GRID2: variants seen among roughly 807,000 people sequenced by gnomAD.
GRID2 encodes glutamate receptor ionotropic, delta-2.
GRID2 carries 33 observed loss-of-function variants against 114.8 expected under a neutral mutation model. The observed-to-expected ratio is 0.29, with a 90% CI of 0.22 to 0.38. The LOEUF (loss-of-function observed/expected upper bound fraction) is 0.38, where lower values mean the gene tolerates loss of function less well. GRID2 is among the 10% of genes least tolerant of loss of function. The pLI is 1.00. For synonymous variants in GRID2, 505 were observed against 449.9 expected (o/e 1.12, Z -1.55); for missense variants, 1,184 against 1,257.7 (o/e 0.94, Z 0.89).
intron 4 of GRID2, among the ~76,000 whole-genome samples, chr4:93,157,659 A>G (rs1737306977): frequency 6.6e-6 from 1 of 151,750 alleles, no homozygotes; most frequent in African/African-American, 2.4e-5. Flanking sequence ...CTAAGGATGA[A>G]TGAAAGGAAA....
At chr4:93,657,055 C>T (rs1461547319) in intron 14 of GRID2, among the ~76,000 whole-genome samples, 2 of 151,608 alleles carry the variant, frequency 1.3e-5, no homozygotes, top group African/African-American at 4.8e-5. Flanking sequence ...ATGTTCTGGG[C>T]CTTTGGTATA....
In GRID2 at chr4:93,145,742, C is replaced by T. The variant is rs573279170; in HGVS notation, c.735+34789C>T. ...AACTCCTGACCTCAAGTGAACTGGC[C>T]GCCTGGACCTCTCAAAATTGTGTGA... On this transcript the variant is annotated intron_variant, in intron 4 of 15. Transcript: ENST00000282020. Among the ~76,000 whole-genome samples the T allele has an allele frequency of 5.4e-5, 8 of 146,984 alleles. No individual in the cohort carries two copies. In the South Asian group the frequency reaches 8.6e-4, roughly 16 times the overall value.
At chr4:93,666,283 T>G (rs1179308197) in intron 14 of GRID2, among the ~76,000 whole-genome samples, 1 of 152,082 alleles carries the variant, frequency 6.6e-6, no homozygotes, top group Non-Finnish European at 1.5e-5. Flanking sequence ...TAAGCACCTT[T>G]TATTGAATTT....
intron 2 of GRID2, among the ~76,000 whole-genome samples, chr4:92,947,626 A>G (rs1485878544): frequency 8.6e-5 from 13 of 151,890 alleles, no homozygotes; most frequent in Admixed American, 8.5e-4. Context: ...CTACTTCCTG[A>G]AAGTTTGAAT....
intron 14 of GRID2, among the ~76,000 whole-genome samples, chr4:93,731,193 C>A (rs1282269280): frequency 2.0e-5 from 3 of 152,050 alleles, no homozygotes; most frequent in Non-Finnish European, 1.5e-5. Flanking sequence ...TAAATGAGAA[C>A]CCACAGGAGC....
intron 2 of GRID2, among the ~76,000 whole-genome samples, chr4:93,028,602 G>C (rs966870034): frequency 6.6e-6 from 1 of 151,750 alleles, no homozygotes; most frequent in Non-Finnish European, 1.5e-5. Context: ...TTATATATAC[G>C]TACGACATTT....
intron 1 of GRID2, among the ~76,000 whole-genome samples, chr4:92,502,717 T>C (rs1359432794): frequency 7.2e-6 from 1 of 139,474 alleles, no homozygotes; most frequent in Non-Finnish European, 1.6e-5. Flanking sequence ...TTTTTTTTTT[T>C]TTTTTTTTTT....
intron 2 of GRID2, among the ~76,000 whole-genome samples, chr4:92,608,104 T>C (rs192246760): frequency 1.6e-4 from 25 of 151,826 alleles, no homozygotes; most frequent in African/African-American, 4.3e-4. Flanking sequence ...TTGCGACTGA[T>C]AGAAAAATGG....
At chr4:93,340,438 GT>G (rs1431960264) in intron 8 of GRID2, among the ~76,000 whole-genome samples, 4 of 151,634 alleles carry the variant, frequency 2.6e-5, no homozygotes, top group African/African-American at 9.7e-5. Context: ...ATTTTCAGAT[GT>G]TCATTTTAAT....
intron 13 of GRID2, among the ~76,000 whole-genome samples, chr4:93,553,082 G>T (rs189885667): frequency 2.0e-5 from 3 of 152,060 alleles, no homozygotes; most frequent in Non-Finnish European, 4.4e-5. Context: ...GAATAGTGCC[G>T]CAATAAACAT....
chr4:93,508,159 TAATAA>T (rs1035507467), intron 12 of GRID2, among the ~76,000 whole-genome samples: 6 of 151,280 alleles, frequency 4.0e-5, no homozygotes, highest in East Asian at 1.9e-4. Flanking sequence ...AAGTATAATA[TAATAA>T]AATAAAAAAG....
chr4:92,842,795 C>T (rs928953676), intron 2 of GRID2, among the ~76,000 whole-genome samples: 5 of 152,036 alleles, frequency 3.3e-5, no homozygotes, highest in African/African-American at 7.2e-5. Context: ...GGAAGAATGA[C>T]TGACAGAAAA....
At chr4:93,699,771 A>G (rs1042237078) in intron 14 of GRID2, among the ~76,000 whole-genome samples, 14 of 152,152 alleles carry the variant, frequency 9.2e-5, no homozygotes, top group Admixed American at 2.6e-4. Context: ...TTTTCTCTTT[A>G]AAATTGGTTA....
intron 2 of GRID2, among the ~76,000 whole-genome samples, chr4:92,607,369 T>C (rs1448935645): frequency 6.6e-6 from 1 of 152,002 alleles, no homozygotes; most frequent in Non-Finnish European, 1.5e-5. Context: ...AATTTCTTAA[T>C]ATTTTATTTT....
intron 1 of GRID2, among the ~76,000 whole-genome samples, chr4:92,407,908 C>A (rs1731103094): frequency 6.6e-6 from 1 of 152,028 alleles, no homozygotes; most frequent in African/African-American, 2.4e-5. Context: ...TTGGTAATTT[C>A]TTTTTCTGTG....
intron 2 of GRID2, among the ~76,000 whole-genome samples, chr4:92,590,929 A>T (rs1188659534): frequency 6.6e-6 from 1 of 152,188 alleles, no homozygotes; most frequent in Middle Eastern, 3.2e-3. Context: ...GTTTTGATTG[A>T]AAGATCCTAG....
intron 1 of GRID2, among the ~76,000 whole-genome samples, chr4:92,483,158 C>T (rs920279133): frequency 4.6e-5 from 7 of 151,950 alleles, no homozygotes; most frequent in African/African-American, 1.7e-4. Context: ...GCCAATATGG[C>T]GAAAACCTGT....
chr4:93,455,965 G>T lies in GRID2; in HGVS notation c.1849G>T (p.Val617Leu), dbSNP rs759299445. Residue 617 changes from valine to leucine, a missense_variant, in exon 11 of 16, where the codon GTA becomes TTA. Transcript: ENST00000282020. Reference protein sequence around the residue: ...NSMWFVYGSFVQQGGEVPYTT... With the variant: ...NSMWFVYGSFLQQGGEVPYTT... ...CATGTGGTTTGTGTATGGATCTTTT[G>T]TACAACAAGGTAAGGAGCAAAAGTA... is the stretch of plus-strand genomic sequence containing the variant. 6.3e-7 allele frequency: 1 copy of T among 1,578,976 alleles called. No homozygotes were observed. The highest frequency in any genetic ancestry group is 1.7e-5 in the Admixed American group (1 of 59,938).
chr4:92,574,226 T>G (rs1259752682), intron 1 of GRID2, among the ~76,000 whole-genome samples: 1 of 152,136 alleles, frequency 6.6e-6, no homozygotes, highest in African/African-American at 2.4e-5. Context: ...AGCATACCAA[T>G]GGGTTTTAGT....
Sources: gnomAD v4.1 joint callset for allele counts (sites outside exome capture counted in the v4.1 genomes callset) on GRCh38, gnomAD v4.1.1 for gene constraint, MANE v1.5 for transcripts, NCBI Gene and HGNC (gene_info 2026-07-23, HGNC 2026-07-21) for gene names.